The following CD109 variants were observed in gnomAD, a reference collection of about 807,000 sequenced individuals.
The protein encoded by CD109 is CD109 antigen.
Under a neutral mutation model 165.8 loss-of-function variants are expected in CD109, and 149 were observed. The observed-to-expected ratio is 0.90, with a 90% CI of 0.79 to 1.03. CD109 has a LOEUF of 1.03. Ranked by LOEUF, CD109 falls within the 50% of genes least tolerant of loss-of-function variation. CD109 has a pLI of 0.00. For missense variants in CD109, 1,712 were observed against 1,677.8 expected (o/e 1.02, Z -0.36); for synonymous variants, 585 against 592.1 (o/e 0.99, Z 0.18).
chr6:73,774,580 G>A (rs931807433), intron 15 of CD109, among the ~76,000 whole-genome samples: 1 of 152,214 alleles, frequency 6.6e-6, no homozygotes, highest in African/African-American at 2.4e-5. Flanking sequence ...AGGCAGAGGT[G>A]CTGACCTGGT....
chr6:73,713,733 C>T (rs1312746968), intron 2 of CD109, among the ~76,000 whole-genome samples: 1 of 152,046 alleles, frequency 6.6e-6, no homozygotes, highest in Admixed American at 6.5e-5. Flanking sequence ...AAAGACAAAA[C>T]AAAAAACACT....
chr6:73,708,245 G>A (rs1207810426), intron 2 of CD109, among the ~76,000 whole-genome samples: 1 of 151,846 alleles, frequency 6.6e-6, no homozygotes, highest in African/African-American at 2.4e-5. Context: ...GAGAACATGC[G>A]GTGTTTGGTT....
the CD109 span, among the ~76,000 whole-genome samples, chr6:73,687,824 A>T: frequency 6.6e-6 from 1 of 152,218 alleles, no homozygotes; most frequent in Non-Finnish European, 1.5e-5. Flanking sequence ...TGACCGCAAG[A>T]AGGACGTGCT....
At chr6:73,715,311 C>T (rs1482056402) in intron 2 of CD109, among the ~76,000 whole-genome samples, 1 of 151,564 alleles carries the variant, frequency 6.6e-6, no homozygotes, top group Non-Finnish European at 1.5e-5. Context: ...ATCTGTAATC[C>T]TAGGGCCTTG....
rs1430618633 is a variant in CD109, at chr6:73,783,790, A to T, written c.2189A>T (p.Asp730Val). 1 of 1,611,640 alleles carries T rather than the reference A, an allele frequency of 6.2e-7. No homozygotes were observed. Among genetic ancestry groups the T allele is most frequent in the Non-Finnish European group, 8.5e-7 (1 of 1,178,024 alleles). The change falls in exon 19 of 33, where the codon GAC becomes GTC. Residue 730 changes from aspartate to valine, a missense_variant. Transcript: ENST00000287097. ...GCTACTGGTTTTGTGATCTCTGAGG[A>T]CCTGGGTCTTGGACTAACAACTACT... Reference protein sequence around the residue: ...WVATGFVISEDLGLGLTTTPV... With the variant: ...WVATGFVISEVLGLGLTTTPV...
intron 7 of CD109, among the ~76,000 whole-genome samples, chr6:73,761,033 A>G (rs1018547446): frequency 2.7e-5 from 4 of 146,810 alleles, no homozygotes; most frequent in African/African-American, 9.9e-5. Context: ...ACACACACAC[A>G]CACACACACA....
chr6:73,699,129 C>A (rs548449512), intron 2 of CD109, among the ~76,000 whole-genome samples: 28 of 152,126 alleles, frequency 1.8e-4, no homozygotes, highest in African/African-American at 6.5e-4. Context: ...TTATGATAGT[C>A]GCTAAAGAAA....
At chr6:73,730,715 A>G in intron 4 of CD109, 141 bp downstream of exon 4, 1 of 632,770 alleles carries the variant, frequency 1.6e-6, no homozygotes. Context: ...AACTCCTCTA[A>G]TAGGAAAGAA....
At chr6:73,702,770 A>G (rs552804486) in intron 2 of CD109, among the ~76,000 whole-genome samples, 1 of 152,344 alleles carries the variant, frequency 6.6e-6, no homozygotes, top group South Asian at 2.1e-4. Context: ...TTATACAATT[A>G]TATGGATATT....
intron 2 of CD109, among the ~76,000 whole-genome samples, chr6:73,719,636 C>T (rs1771871403): frequency 6.6e-6 from 1 of 152,294 alleles, no homozygotes; most frequent in Middle Eastern, 3.4e-3. Context: ...CACACATGCT[C>T]AGGTACCTGA....
At chr6:73,806,605 A>C (rs1411414859) in intron 24 of CD109, among the ~76,000 whole-genome samples, 1 of 152,196 alleles carries the variant, frequency 6.6e-6, no homozygotes, top group African/African-American at 2.4e-5. Context: ...TTTTGAGTCA[A>C]CATGGAATTT....
intron 2 of CD109, among the ~76,000 whole-genome samples, chr6:73,715,953 C>G (rs894947631): frequency 1.3e-5 from 2 of 152,170 alleles, no homozygotes; most frequent in Admixed American, 6.5e-5. Flanking sequence ...GGTAACCATC[C>G]TTCTACACTC....
At chr6:73,737,844 C>T (rs542026101) in intron 5 of CD109, among the ~76,000 whole-genome samples, 8 of 152,212 alleles carry the variant, frequency 5.3e-5, no homozygotes, top group African/African-American at 1.4e-4. Flanking sequence ...AGAATGATGG[C>T]GGTGTAGATT....
At chr6:73,712,697 T>C (rs1360260668) in intron 2 of CD109, among the ~76,000 whole-genome samples, 1 of 152,244 alleles carries the variant, frequency 6.6e-6, no homozygotes, top group African/African-American at 2.4e-5. Context: ...GTAAATCAAA[T>C]GGCCAGTTCT....
intron 19 of CD109, among the ~76,000 whole-genome samples, chr6:73,784,317 A>G (rs1442858810): frequency 1.3e-5 from 2 of 152,226 alleles, no homozygotes; most frequent in Non-Finnish European, 1.5e-5. Context: ...TGAAATTGAA[A>G]TGTAATTTTG....
intron 4 of CD109, among the ~76,000 whole-genome samples, chr6:73,731,535 T>C (rs1772369347): frequency 6.6e-6 from 1 of 152,198 alleles, no homozygotes; most frequent in African/African-American, 2.4e-5. Flanking sequence ...TGAGGTCCTA[T>C]ACAAGTAGGT....
At position 73,768,070 on chromosome 6, in the gene CD109, C is replaced by T. The variant is rs756107413; in HGVS notation, c.1513C>T (p.Gln505Ter). The T allele has an allele frequency of 8.7e-6, 14 of 1,613,058 alleles. No individual in the cohort carries two copies. Among genetic ancestry groups the T allele is most frequent in the Admixed American group, 1.7e-5 (1 of 59,916 alleles). The change falls in exon 14 of 33, where the codon CAG (glutamine) becomes TAG (stop). Residue 505 changes from glutamine (Q) to a stop codon, truncating the protein, a stop_gained. Transcript: ENST00000287097. LOFTEE classifies it high-confidence loss of function. Reference sequence around the variant, plus strand: ...TTCTTTTCAGGTAGTATCCAGGGGACAGTTGGTGGCTGTAGGAAAACAAAA... The same window carrying T: ...TTCTTTTCAGGTAGTATCCAGGGGATAGTTGGTGGCTGTAGGAAAACAAAA... ...ELSYMVVSRG[Q>*]LVAVGKQNST...
At chr6:73,785,318 G>T in intron 19 of CD109, 46 bp from the exon 20 acceptor site, 1 of 1,027,362 alleles carries the variant, frequency 9.7e-7, no homozygotes, top group South Asian at 1.4e-5. Context: ...AAAATGTGAA[G>T]AATTTTGACC....
intron 17 of CD109, 41 bp downstream of exon 17, chr6:73,781,360 A>G (rs774232967): frequency 5.5e-5 from 82 of 1,488,280 alleles, no homozygotes; most frequent in Non-Finnish European, 7.6e-5. Flanking sequence ...TGTCTTTCAC[A>G]TGATATTCAA....
Sources: allele counts gnomAD v4.1 joint callset (sites outside exome capture counted in the v4.1 genomes callset), GRCh38; gene constraint gnomAD v4.1.1; transcripts MANE v1.5; gene names NCBI Gene and HGNC (gene_info 2026-07-23, HGNC 2026-07-21).